The following ZFHX3 variants were observed in gnomAD, a reference collection of about 807,000 sequenced individuals.
ZFHX3 encodes the protein zinc finger homeobox 3, also known as zinc finger homeobox protein 3.
A neutral mutation model predicts 279.1 loss-of-function variants in ZFHX3; 42 were observed. That is an observed-to-expected ratio of 0.15 (90% CI 0.12 to 0.19). The LOEUF (loss-of-function observed/expected upper bound fraction) is 0.19, where lower values mean the gene tolerates loss of function less well. Ranked by LOEUF, ZFHX3 falls within the 10% of genes least tolerant of loss-of-function variation. The pLI is 1.00. For synonymous variants in ZFHX3, 2,293 were observed against 1,957.8 expected, an observed-to-expected ratio of 1.17 and a Z score of -4.52; for missense variants, 4,981 against 4,754.0, an observed-to-expected ratio of 1.05 and a Z score of -1.40.
chr16:73,722,607 A>AC, intron 1 of ZFHX3, among the ~76,000 whole-genome samples: 1 of 152,306 alleles, frequency 6.6e-6, no homozygotes, highest in South Asian at 2.1e-4. Flanking sequence ...AGAAAAGTGT[A>AC]CTTTTTTTTT....
At chr16:72,839,194 T>A (rs1013019434) in intron 4 of ZFHX3, among the ~76,000 whole-genome samples, 3 of 149,472 alleles carry the variant, frequency 2.0e-5, no homozygotes, top group South Asian at 4.2e-4. Context: ...CATCTCTCCC[T>A]TCCCCCCCCC....
intron 1 of ZFHX3, among the ~76,000 whole-genome samples, chr16:72,979,643 C>T (rs781145580): frequency 5.1e-4 from 77 of 152,234 alleles, no homozygotes; most frequent in Non-Finnish European, 7.9e-4. Context: ...GAAATCAATG[C>T]GCTTACAGAC....
rs560491836 is a variant in ZFHX3, at chr16:73,848,078, A to G, written c.-1608+43573T>C. On this transcript the variant is annotated intron_variant, in intron 1 of 17. Coordinates refer to the ZFHX3 transcript ENST00000641206. ...CCGGCCAATATTTATTAGTAGTAGT[A>G]TTAATAAGGCCCACCGGAAGAGTAA... 3.9e-4 allele frequency among the ~76,000 whole-genome samples: 60 copies of G among 151,932 alleles called. 2 individuals carry two copies. In the South Asian group the frequency reaches 0.011, roughly 29 times the overall value.
intron 3 of ZFHX3, among the ~76,000 whole-genome samples, chr16:73,418,920 G>A (rs1037760328): frequency 3.3e-5 from 5 of 152,236 alleles, no homozygotes; most frequent in African/African-American, 1.2e-4. Flanking sequence ...ACCTGGGGAT[G>A]TGGTAGAGAA....
intron 8 of ZFHX3, among the ~76,000 whole-genome samples, chr16:73,080,418 T>C (rs1456444348): frequency 6.6e-6 from 1 of 152,180 alleles, no homozygotes; most frequent in Non-Finnish European, 1.5e-5. Context: ...TGTCTGTTGA[T>C]TGGGCCACCT....
intron 3 of ZFHX3, among the ~76,000 whole-genome samples, chr16:73,337,496 A>G (rs893286521): frequency 6.6e-6 from 1 of 152,094 alleles, no homozygotes; most frequent in Non-Finnish European, 1.5e-5. Flanking sequence ...CCTTTGAGGC[A>G]CATCCCATCA....
At chr16:73,513,774 T>G (rs2019473603) in intron 2 of ZFHX3, among the ~76,000 whole-genome samples, 1 of 152,056 alleles carries the variant, frequency 6.6e-6, no homozygotes. Flanking sequence ...GACTTACGGA[T>G]GGACTTATGG....
chr16:73,155,592 G>A (rs946360869), intron 5 of ZFHX3, among the ~76,000 whole-genome samples: 1 of 152,062 alleles, frequency 6.6e-6, no homozygotes, highest in Admixed American at 6.6e-5. Context: ...GGAGGCTGTG[G>A]TGGGTGGATC....
At chr16:73,860,843 C>G (rs1202946611) in intron 1 of ZFHX3, among the ~76,000 whole-genome samples, 1 of 152,122 alleles carries the variant, frequency 6.6e-6, no homozygotes, top group African/African-American at 2.4e-5. Flanking sequence ...AGGGGCCACT[C>G]CCCCAACCCC....
At chr16:72,995,316 G>C (rs1232213361) in intron 1 of ZFHX3, among the ~76,000 whole-genome samples, 1 of 152,046 alleles carries the variant, frequency 6.6e-6, no homozygotes, top group South Asian at 2.1e-4. Flanking sequence ...CTCCAATCTG[G>C]GTGCCCTGGA....
intron 3 of ZFHX3, 134 bp from the exon 4 acceptor site, chr16:72,890,096 T>C: frequency 1.3e-6 from 1 of 753,598 alleles, no homozygotes; most frequent in Non-Finnish European, 2.1e-6. Context: ...AACAGGACAG[T>C]CTTTGATATG....
chr16:72,912,659 G>C (rs1425740710), intron 3 of ZFHX3, among the ~76,000 whole-genome samples: 1 of 152,062 alleles, frequency 6.6e-6, no homozygotes, highest in Non-Finnish European at 1.5e-5. Flanking sequence ...AGGAGCGAAT[G>C]GGGAGCAGGG....
At position 72,959,161 on chromosome 16, in the gene ZFHX3, T is replaced by C. The variant is rs757687571; in HGVS notation, c.985A>G (p.Ile329Val). ...ACAAGGGGTTCCTTGTCTTTGCCGA[T>C]CCCTTGGATGATAGCGGAGATGTTC... The part of the protein sequence containing the change: ...NKNISAIIQG[I>V]GKDKEPLVSF... Residue 329 changes from isoleucine to valine, a missense_variant, in exon 2 of 10, where the codon ATC becomes GTC. Transcript: ENST00000268489. 7 of 1,614,262 alleles carry C rather than the reference T, an allele frequency of 4.3e-6. No homozygotes were observed. The East Asian group carries it at 8.9e-5, about 21-fold the overall frequency.
chr16:73,548,314 T>A lies in ZFHX3; in HGVS notation c.-1546-92056A>T, dbSNP rs888966887. Among the ~76,000 whole-genome samples the A allele has an allele frequency of 3.9e-5, 6 of 152,314 alleles. No homozygotes were observed. The East Asian group carries it at 9.6e-4, about 24-fold the overall frequency. On this transcript the variant is annotated intron_variant, in intron 2 of 17. Transcript: ENST00000641206. Reference sequence around the variant, plus strand: ...CTTTGAAGACGAGCATTGGACCTAATAAACCGAACACTGGAGGCACAGATC... The same window carrying A: ...CTTTGAAGACGAGCATTGGACCTAAAAAACCGAACACTGGAGGCACAGATC...
intron 2 of ZFHX3, among the ~76,000 whole-genome samples, chr16:73,589,527 C>G (rs1181131514): frequency 6.7e-6 from 1 of 149,928 alleles, no homozygotes; most frequent in South Asian, 2.1e-4. Flanking sequence ...GTCAGGAGAT[C>G]GAGACCATCC....
chr16:73,499,761 A>G (rs1408259724), intron 2 of ZFHX3: 1 of 152,188 alleles, frequency 6.6e-6, no homozygotes, highest in Non-Finnish European at 1.5e-5. Flanking sequence ...TTGTCTTTTT[A>G]AAAATATAGT....
chr16:73,597,976 T>C (rs1875580681), intron 2 of ZFHX3, among the ~76,000 whole-genome samples: 2 of 152,124 alleles, frequency 1.3e-5, no homozygotes. Context: ...ATAGTGACAT[T>C]ATTGCTATGA....
chr16:73,876,561 C>A (rs1251839048), intron 1 of ZFHX3, among the ~76,000 whole-genome samples: 1 of 152,166 alleles, frequency 6.6e-6, no homozygotes, highest in Non-Finnish European at 1.5e-5. Flanking sequence ...TACATTATCA[C>A]TTTTCTTTTT....
exon 7 of ZFHX3, chr16:73,131,070 C>T: frequency 9.7e-7 from 1 of 1,033,228 alleles, no homozygotes; most frequent in South Asian, 1.3e-5. Context: ...CTCTTGTTAA[C>T]TTCTTTGTGT....
Sources: allele counts gnomAD v4.1 joint callset (sites outside exome capture counted in the v4.1 genomes callset), GRCh38; gene constraint gnomAD v4.1.1; transcripts MANE v1.5; gene names NCBI Gene and HGNC (gene_info 2026-07-23, HGNC 2026-07-21).